The following SMURF1 variants were observed in gnomAD, a reference collection of about 807,000 sequenced individuals.
The protein encoded by SMURF1 is SMAD specific E3 ubiquitin protein ligase 1.
A neutral mutation model predicts 98.0 loss-of-function variants in SMURF1; 44 were observed. The observed-to-expected ratio is 0.45, with a 90% CI of 0.35 to 0.58. SMURF1 has a LOEUF of 0.58. SMURF1 is among the 20% of genes least tolerant of loss of function. The pLI is 0.00. For synonymous variants in SMURF1, 396 were observed against 374.9 expected (o/e 1.06, Z -0.65); for missense variants, 687 against 938.4 (o/e 0.73, Z 3.50).
chr7:99,061,719 C>A, intron 2 of SMURF1, 80 bp downstream of exon 2: 2 of 1,133,874 alleles, frequency 1.8e-6, no homozygotes, highest in East Asian at 2.4e-5. Context: ...AGAGAATATA[C>A]CCAATCTTTT....
intron 16 of SMURF1, among the ~76,000 whole-genome samples, chr7:99,033,773 G>A (rs556983386): frequency 1.3e-5 from 2 of 152,330 alleles, no homozygotes; most frequent in South Asian, 2.1e-4. Context: ...GTTCTGTAGG[G>A]CAGGGAGAGG....
At chr7:99,049,948 C>A in intron 8 of SMURF1, 3 of 399,312 alleles carry the variant, frequency 7.5e-6, no homozygotes, top group African/African-American at 2.0e-5. Flanking sequence ...CGCGGTAGCT[C>A]ACGCCTGTAA....
intron 1 of SMURF1, among the ~76,000 whole-genome samples, chr7:99,103,969 T>G (rs981028308): frequency 6.6e-6 from 1 of 151,782 alleles, no homozygotes; most frequent in African/African-American, 2.4e-5. Flanking sequence ...CTCAGCTCAC[T>G]GCAGCCTCTG....
At chr7:99,045,670 A>C (rs1408470197) in intron 11 of SMURF1, 28 bp downstream of exon 11, 1 of 1,561,048 alleles carries the variant, frequency 6.4e-7, no homozygotes, top group African/African-American at 1.4e-5. Context: ...TCCACACAGC[A>C]GAGAAGGTGA....
intron 7 of SMURF1, 129 bp from the exon 8 acceptor site, chr7:99,051,570 C>G: frequency 1.4e-6 from 1 of 738,556 alleles, no homozygotes; most frequent in Admixed American, 2.1e-5. Flanking sequence ...CCCAGTTCTT[C>G]TCTCTGAGGT....
chr7:99,137,630 T>C (rs562131909), intron 1 of SMURF1, among the ~76,000 whole-genome samples: 2 of 152,222 alleles, frequency 1.3e-5, no homozygotes, highest in South Asian at 4.1e-4. Context: ...GCCAGGAGGA[T>C]AGGTTCCTGC....
chr7:99,143,499 G>A (rs1192394805), intron 1 of SMURF1, among the ~76,000 whole-genome samples: 3 of 134,706 alleles, frequency 2.2e-5, no homozygotes, highest in Non-Finnish European at 4.9e-5. Context: ...CGGGGGAACG[G>A]GAGGGAACGC....
chr7:99,108,295 G>A lies in SMURF1; in HGVS notation c.55+35431C>T, dbSNP rs572328823. On this transcript the variant is annotated intron_variant, in intron 1 of 17. Coordinates refer to ENST00000361368, the MANE Select transcript of SMURF1 (RefSeq NM_181349.3). ...TGCAGTGGCGCGATCTTGGCTCACT[G>A]CAACCTCCGCCACCTGGGTTCAAGC... Among the ~76,000 whole-genome samples the A allele has an allele frequency of 5.7e-4, 87 of 151,632 alleles. 1 individual carries two copies. The highest frequency in any genetic ancestry group is 2.1e-3 in the African/African-American group (87 of 41,412).
At chr7:99,049,759 A>G in intron 8 of SMURF1, 50 bp from the exon 9 acceptor site, 1 of 1,569,772 alleles carries the variant, frequency 6.4e-7, no homozygotes, top group Non-Finnish European at 8.7e-7. Context: ...GTATGGAGGA[A>G]TGAGACCAAA....
chr7:99,044,321 AAG>A (rs1158684552), intron 11 of SMURF1, among the ~76,000 whole-genome samples: 8 of 152,096 alleles, frequency 5.3e-5, no homozygotes, highest in African/African-American at 1.2e-4. Context: ...CCAGAAAAAA[AAG>A]GGAAGAAGAA....
chr7:99,032,634 A>T (rs1794950868), intron 17 of SMURF1, among the ~76,000 whole-genome samples: 1 of 152,260 alleles, frequency 6.6e-6, no homozygotes, highest in South Asian at 2.1e-4. Context: ...GTGCCACTGC[A>T]CTCCATCCTG....
Position 99,140,158 on chromosome 7 carries a change from G to A in SMURF1, c.55+3568C>T, listed in dbSNP as rs539640694. ...CCAAAAAGGTTAAATAACTTGTTCC[G>A]TAACATGTAGTTAATGAGAAATCTG... On this transcript the variant is annotated intron_variant, in intron 1 of 17. Coordinates refer to ENST00000361368, the MANE Select transcript of SMURF1 (RefSeq NM_181349.3). Among the ~76,000 whole-genome samples, 95 of 152,022 alleles carry A rather than the reference G, an allele frequency of 6.2e-4. No individual in the cohort carries two copies. In the Middle Eastern group the frequency reaches 0.017, roughly 27 times the overall value.
intron 1 of SMURF1, among the ~76,000 whole-genome samples, chr7:99,066,410 T>C (rs756710680): frequency 2.2e-4 from 33 of 152,086 alleles, no homozygotes; most frequent in Non-Finnish European, 4.6e-4. Context: ...AATGTTTGAG[T>C]TTAAGGCTCA....
chr7:99,099,130 C>T (rs910919609), intron 1 of SMURF1, among the ~76,000 whole-genome samples: 11 of 151,900 alleles, frequency 7.2e-5, no homozygotes, highest in Admixed American at 2.0e-4. Context: ...AGACTAGAGC[C>T]CGATGAGAAA....
rs765059576 is a variant in SMURF1, at chr7:99,051,346, A to C, written c.806+11T>G. On this transcript the variant is annotated intron_variant, in intron 8 of 17. Transcript: ENST00000361368. ...AAGACAGCTGGGGGGTGTCCATTTCAGGAGGCTTACCTTGGTATCCTGGGG... is the reference window on the plus strand; with the variant it reads ...AAGACAGCTGGGGGGTGTCCATTTCCGGAGGCTTACCTTGGTATCCTGGGG... 3.1e-6 allele frequency: 5 copies of C among 1,610,856 alleles called. No individual in the cohort carries two copies. In the African/African-American group the frequency reaches 6.7e-5, roughly 22 times the overall value.
chr7:99,036,834 C>T (rs543418872), intron 15 of SMURF1, among the ~76,000 whole-genome samples: 1 of 152,152 alleles, frequency 6.6e-6, no homozygotes, highest in African/African-American at 2.4e-5. Context: ...TGAACAGTTT[C>T]CCGGGAGTTA....
At chr7:99,060,392 A>G (rs977728745) in intron 3 of SMURF1, among the ~76,000 whole-genome samples, 11 of 148,852 alleles carry the variant, frequency 7.4e-5, no homozygotes, top group East Asian at 3.9e-4. Context: ...AAAAAAAAAA[A>G]AAAAAGAAAA....
intron 1 of SMURF1, among the ~76,000 whole-genome samples, chr7:99,126,668 T>A (rs1480073107): frequency 6.6e-6 from 1 of 152,100 alleles, no homozygotes; most frequent in Middle Eastern, 3.2e-3. Context: ...AAAATAAATT[T>A]AAAAAAATTA....
In SMURF1 at chr7:99,037,319, C is replaced by T. The variant is rs751916954; in HGVS notation, c.1689-132G>A. The T allele has an allele frequency of 1.2e-5, 13 of 1,093,902 alleles. No homozygotes were observed. The Admixed American group carries it at 1.3e-4, about 11-fold the overall frequency. 67.8% of individuals were successfully genotyped at this position (1,093,902 alleles called of 1,614,324 possible). The stretch of plus-strand genomic sequence containing the variant: ...ATGGCTCAATCTCGGCTCACTGCAA[C>T]CTCAGCCTCCTGGGTTCAAGCAATT... On this transcript the variant is annotated intron_variant, in intron 14 of 17. Coordinates refer to ENST00000361368, the MANE Select transcript of SMURF1 (RefSeq NM_181349.3).
Sources: gnomAD v4.1 joint callset for allele counts (sites outside exome capture counted in the v4.1 genomes callset) on GRCh38, gnomAD v4.1.1 for gene constraint, MANE v1.5 for transcripts, NCBI Gene and HGNC (gene_info 2026-07-23, HGNC 2026-07-21) for gene names.